INAVA: variants seen among roughly 807,000 people sequenced by gnomAD.
INAVA encodes the protein innate immunity activator.
Under a neutral mutation model 55.3 loss-of-function variants are expected in INAVA, and 32 were observed. That is an observed-to-expected ratio of 0.58 (90% CI 0.44 to 0.78). The LOEUF is 0.78. Among genes scored for constraint, INAVA ranks in the 30% least tolerant of loss-of-function variants. The probability of loss-of-function intolerance (pLI) is 0.00; values close to 1 mark genes in which losing one functional copy is unlikely to be tolerated. For synonymous variants in INAVA, 294 were observed against 329.4 expected, an observed-to-expected ratio of 0.89 and a Z score of 1.16; for missense variants, 756 against 786.4, an observed-to-expected ratio of 0.96 and a Z score of 0.46.
chr1:200,913,674 G>T lies in INAVA; in HGVS notation c.*45G>T. On this transcript the variant is annotated 3_prime_UTR_variant, in exon 10 of 10. Coordinates refer to ENST00000413687, the MANE Select transcript of INAVA (RefSeq NM_001142569.3). ...AAAAACTGTTTCATAGAGGGGCTGGGCTGAGACCCCCCCACCCCTGAGTGC... is the reference window on the plus strand; with the variant it reads ...AAAAACTGTTTCATAGAGGGGCTGGTCTGAGACCCCCCCACCCCTGAGTGC... The T allele has an allele frequency of 6.6e-7, 1 of 1,510,476 alleles. No individual in the cohort carries two copies. Among genetic ancestry groups the T allele is most frequent in the East Asian group, 2.3e-5 (1 of 44,164 alleles). 93.6% of individuals were successfully genotyped at this position (1,510,476 alleles called of 1,614,324 possible).
rs1571863714 is a variant in INAVA, at chr1:200,901,182, G to C, written c.520+23G>C. On this transcript the variant is annotated intron_variant, in intron 5 of 9. Transcript: ENST00000413687. ...GAGGTGAGCCGGCTGCCCTGAGGGG[G>C]GCCATGCTCCTTAAATGAGCTTTTG... The C allele has an allele frequency of 2.0e-6, 3 of 1,478,442 alleles. No individual in the cohort carries two copies. In the East Asian group the frequency reaches 7.5e-5, roughly 37 times the overall value. The allele number at this position is 1,478,442 out of a possible 1,614,324, so 91.6% of individuals were successfully genotyped here. A position where few individuals can be genotyped will look rare whatever the true frequency, so the allele number is the denominator to read the frequency against.
intron 2 of INAVA, among the ~76,000 whole-genome samples, 180 bp from the exon 3 acceptor site, chr1:200,899,293 G>T (rs577515931): frequency 6.6e-6 from 1 of 152,136 alleles, no homozygotes; most frequent in African/African-American, 2.4e-5. Flanking sequence ...GCCAAGAGAC[G>T]TGGTGTTTTG....
At chr1:200,903,299 CAT>C (rs1385213822) in intron 5 of INAVA, among the ~76,000 whole-genome samples, 10 of 152,154 alleles carry the variant, frequency 6.6e-5, no homozygotes, top group African/African-American at 2.4e-4. Context: ...GCCTGGCCAA[CAT>C]AGTGAAACCC....
chr1:200,908,519 G>A (rs1653582558), intron 6 of INAVA: 1 of 464,244 alleles, frequency 2.2e-6, no homozygotes, highest in African/African-American at 2.0e-5. Context: ...CTTGAAGGAG[G>A]AAGGCATAAA....
intron 5 of INAVA, chr1:200,902,811 A>T (rs1653322172): frequency 6.6e-6 from 1 of 152,290 alleles, no homozygotes; most frequent in Non-Finnish European, 1.5e-5. Context: ...GCTTCTGCCC[A>T]TGATGGGTGG....
chr1:200,906,831 C>CT (rs1183828310), intron 5 of INAVA, among the ~76,000 whole-genome samples: 3 of 151,810 alleles, frequency 2.0e-5, no homozygotes, highest in Non-Finnish European at 4.4e-5. Flanking sequence ...GTGAAATTCC[C>CT]TTTTTTTTAT....
At chr1:200,898,605 G>C (rs1653068280) in intron 2 of INAVA, 150 bp downstream of exon 2, 1 of 848,818 alleles carries the variant, frequency 1.2e-6, no homozygotes, top group Non-Finnish European at 1.8e-6. Context: ...AGAGGCCTCT[G>C]CTGGGAGGAG....
rs566283394 is a variant in INAVA, at chr1:200,910,045, A to T, written c.959+648A>T. On this transcript the variant is annotated intron_variant, in intron 8 of 9. Coordinates refer to ENST00000413687, the MANE Select transcript of INAVA (RefSeq NM_001142569.3). ...ACAAGGCACACCACAGCCTTTTCCC[A>T]GTATGCCTTAGGGAGGAACAGTAGA... is the stretch of plus-strand genomic sequence containing the variant. Among the ~76,000 whole-genome samples the T allele has an allele frequency of 8.5e-5, 13 of 152,320 alleles. No individual in the cohort carries two copies. In the South Asian group the frequency reaches 2.7e-3, roughly 32 times the overall value.
chr1:200,904,089 C>T (rs967473644), intron 5 of INAVA, among the ~76,000 whole-genome samples: 8 of 149,402 alleles, frequency 5.4e-5, no homozygotes, highest in African/African-American at 2.0e-4. Flanking sequence ...ATCCTCATAA[C>T]ATTTTTTTTT....
chr1:200,909,225 A>G lies in INAVA; in HGVS notation c.787A>G (p.Ser263Gly). Residue 263 changes from serine (S) to glycine (G), a missense_variant and splice_region_variant, in exon 8 of 10, where the codon AGC becomes GGC. Coordinates refer to ENST00000413687, the MANE Select transcript of INAVA (RefSeq NM_001142569.3). Reference sequence around the variant, plus strand: ...GACCTGTCTCTAATCCTTTTGCAGCAGCCCAGCCACCACACCACAGGATGG... The same window carrying G: ...GACCTGTCTCTAATCCTTTTGCAGCGGCCCAGCCACCACACCACAGGATGG... ...KSSEPWSESS[S>G]PATTPQDGPS... The G allele has an allele frequency of 6.6e-7, 1 of 1,504,638 alleles. No individual in the cohort carries two copies. 93.2% of individuals were successfully genotyped at this position (1,504,638 alleles called of 1,614,324 possible). A position where few individuals can be genotyped will look rare whatever the true frequency, so the allele number is the denominator to read the frequency against.
intron 8 of INAVA, 33 bp from the exon 9 acceptor site, chr1:200,911,420 C>T: frequency 6.3e-7 from 1 of 1,580,900 alleles, no homozygotes; most frequent in Non-Finnish European, 8.6e-7. Flanking sequence ...TTTCTGCCCC[C>T]CACACTCAGA....
In INAVA at chr1:200,900,969, CCTGCAG is replaced by C. The variant is rs1453053742; in HGVS notation, c.337_342del (p.Leu113_Gln114del). The C allele has an allele frequency of 1.3e-6, 2 of 1,555,448 alleles. No individual in the cohort carries two copies. The highest frequency in any genetic ancestry group is 1.7e-6 in the Non-Finnish European group (2 of 1,149,006). On this transcript the variant is annotated inframe_deletion, in exon 5 of 10. Coordinates refer to ENST00000413687, the MANE Select transcript of INAVA (RefSeq NM_001142569.3). ...TAAGCAGCCTGGAGCGCCAGCTGGC[CCTGCAG>C]CTGCAGATCACAGAGGCAGCCCGTC...
upstream of INAVA, among the ~76,000 whole-genome samples, chr1:200,893,741 G>A (rs1440079899): frequency 3.9e-5 from 6 of 152,196 alleles, no homozygotes; most frequent in Non-Finnish European, 7.3e-5. Context: ...CTGGGTGTGT[G>A]TACCGGAGCA....
intron 5 of INAVA, among the ~76,000 whole-genome samples, chr1:200,901,380 C>T (rs1571863872): frequency 6.6e-6 from 1 of 152,242 alleles, no homozygotes; most frequent in East Asian, 1.9e-4. Flanking sequence ...CTACTCTCTC[C>T]TTCCGTATCC....
upstream of INAVA, among the ~76,000 whole-genome samples, chr1:200,892,129 A>T (rs1350361067): frequency 1.3e-5 from 2 of 152,200 alleles, no homozygotes; most frequent in Non-Finnish European, 2.9e-5. Flanking sequence ...GTGGAGGCGA[A>T]CACCTTTCCT....
At chr1:200,898,846 T>C (rs1255284943) in intron 2 of INAVA, among the ~76,000 whole-genome samples, 1 of 152,124 alleles carries the variant, frequency 6.6e-6, no homozygotes, top group East Asian at 1.9e-4. Flanking sequence ...GAGACCATCC[T>C]GGCTACCACA....
intron 5 of INAVA, among the ~76,000 whole-genome samples, chr1:200,907,492 C>CA (rs1268913351): frequency 1.3e-5 from 2 of 151,570 alleles, no homozygotes; most frequent in East Asian, 1.9e-4. Context: ...CTCTTCTCTA[C>CA]AAAAAAAATA....
In INAVA at chr1:200,911,554, C is replaced by A. The variant is rs145738054; in HGVS notation, c.1061C>A (p.Pro354His). ...GTGACAGTGCCAGATTCCTGCTTTCCCGCGACCAAGCCCCCGCTGCCCCAC... is the reference window on the plus strand; with the variant it reads ...GTGACAGTGCCAGATTCCTGCTTTCACGCGACCAAGCCCCCGCTGCCCCAC... ...YTVTVPDSCF[P>H]ATKPPLPHAA... Residue 354 changes from proline to histidine, a missense_variant, in exon 9 of 10, where the codon CCC (proline) becomes CAC (histidine). By Grantham distance (77) the Pro-to-His change is moderately conservative. Coordinates refer to ENST00000413687, the MANE Select transcript of INAVA (RefSeq NM_001142569.3). 746 of 1,613,712 alleles carry A rather than the reference C, an allele frequency of 4.6e-4. 3 individuals carry two copies. In the African/African-American group the frequency reaches 9.0e-3, roughly 20 times the overall value.
chr1:200,908,550 G>A, intron 6 of INAVA, 180 bp from the exon 7 acceptor site: 1 of 543,828 alleles, frequency 1.8e-6, no homozygotes, highest in Non-Finnish European at 3.2e-6. Context: ...GTGGGAAGAA[G>A]TAAGTCCCAA....
Sources: gnomAD v4.1 joint callset for allele counts (sites outside exome capture counted in the v4.1 genomes callset) on GRCh38, gnomAD v4.1.1 for gene constraint, MANE v1.5 for transcripts, NCBI Gene and HGNC (gene_info 2026-07-23, HGNC 2026-07-21) for gene names.